HEMK2: variants seen among roughly 807,000 people sequenced by gnomAD.
The protein encoded by HEMK2 is HemK methyltransferase 2, ETF1 glutamine and histone H4 lysine, also known as methyltransferase HEMK2.
At chr21:28,780,966 C>CTT in the HEMK2 span, among the ~76,000 whole-genome samples, 1 of 152,178 alleles carries the variant, frequency 6.6e-6, no homozygotes, top group African/African-American at 2.4e-5. Flanking sequence ...GCAGTGAAGA[C>CTT]TTTTCATTGA....
the HEMK2 span, among the ~76,000 whole-genome samples, chr21:28,770,408 G>A: frequency 6.6e-6 from 1 of 152,102 alleles, no homozygotes; most frequent in South Asian, 2.1e-4. Context: ...TCCAAGTGAA[G>A]GGAAGAGGAT....
At chr21:28,649,318 G>A in the HEMK2 span, among the ~76,000 whole-genome samples, 2 of 152,158 alleles carry the variant, frequency 1.3e-5, no homozygotes, top group East Asian at 1.9e-4. Context: ...AAGAATGAGG[G>A]TGGAAAGGGG....
the HEMK2 span, among the ~76,000 whole-genome samples, chr21:28,601,332 C>A: frequency 6.6e-6 from 1 of 152,174 alleles, no homozygotes; most frequent in African/African-American, 2.4e-5. Flanking sequence ...TTCCCCTCAC[C>A]CCCTGTTCCC....
At chr21:28,723,467 G>A in the HEMK2 span, among the ~76,000 whole-genome samples, 4 of 152,144 alleles carry the variant, frequency 2.6e-5, no homozygotes, top group South Asian at 2.1e-4. Flanking sequence ...ACCTGCATTC[G>A]AAGTCTCTCT....
chr21:28,806,601 G>A, the HEMK2 span, among the ~76,000 whole-genome samples: 2 of 152,118 alleles, frequency 1.3e-5, no homozygotes, highest in African/African-American at 2.4e-5. Flanking sequence ...TCCCACAGAG[G>A]CTGGACTGCC....
the HEMK2 span, among the ~76,000 whole-genome samples, chr21:28,774,376 C>T: frequency 1.7e-4 from 26 of 152,160 alleles, no homozygotes; most frequent in Admixed American, 1.6e-3. Context: ...ATCACTGAGG[C>T]CAGGAGTTCA....
the HEMK2 span, among the ~76,000 whole-genome samples, chr21:28,733,930 T>A: frequency 8.5e-5 from 13 of 152,270 alleles, no homozygotes; most frequent in Non-Finnish European, 1.5e-4. Flanking sequence ...CACACTAATC[T>A]TCCAGCAATC....
the HEMK2 span, among the ~76,000 whole-genome samples, chr21:28,666,910 T>A: frequency 2.6e-5 from 4 of 152,094 alleles, no homozygotes; most frequent in Admixed American, 2.6e-4. Flanking sequence ...AAACTAGTTG[T>A]TATGCAGTAA....
chr21:28,649,628 T>C, the HEMK2 span, among the ~76,000 whole-genome samples: 3 of 152,178 alleles, frequency 2.0e-5, no homozygotes, highest in Non-Finnish European at 4.4e-5. Context: ...ACAGGATAAC[T>C]GCTGGGAGAG....
the HEMK2 span, among the ~76,000 whole-genome samples, chr21:28,772,805 G>A: frequency 6.6e-6 from 1 of 151,960 alleles, no homozygotes; most frequent in Non-Finnish European, 1.5e-5. Context: ...GTATTCACTA[G>A]GCATATGTAA....
At chr21:28,637,667 G>A in the HEMK2 span, among the ~76,000 whole-genome samples, 8 of 152,152 alleles carry the variant, frequency 5.3e-5, no homozygotes, top group Non-Finnish European at 7.3e-5. Flanking sequence ...TTTCTATGCG[G>A]GGGTAGGAGT....
chr21:28,660,925 G>T, the HEMK2 span, among the ~76,000 whole-genome samples: 16 of 152,034 alleles, frequency 1.1e-4, no homozygotes, highest in South Asian at 2.1e-4. Context: ...AATACTTAAA[G>T]AACCACTTAC....
At chr21:28,604,523 T>C in the HEMK2 span, among the ~76,000 whole-genome samples, 2,708 of 151,306 alleles carry the variant, frequency 0.018, 106 homozygotes, top group African/African-American at 0.063. Context: ...ACAAGTTTGA[T>C]TTTTCATTCA....
At chr21:28,690,834 T>C in the HEMK2 span, among the ~76,000 whole-genome samples, 1 of 152,186 alleles carries the variant, frequency 6.6e-6, no homozygotes, top group Admixed American at 6.5e-5. Context: ...TCTCCCTCCA[T>C]CTCCTTCTTT....
chr21:28,646,444 C>A, the HEMK2 span, among the ~76,000 whole-genome samples: 152,300 of 152,300 alleles, frequency 1, 76,150 homozygotes, highest in Non-Finnish European at 1. Flanking sequence ...AGAACATTGA[C>A]CTTGTCCTAC....
the HEMK2 span, among the ~76,000 whole-genome samples, chr21:28,617,512 G>A: frequency 6.6e-6 from 1 of 152,130 alleles, no homozygotes; most frequent in Non-Finnish European, 1.5e-5. Flanking sequence ...CTCTCAGACT[G>A]CCACCTCTAG....
At chr21:28,674,010 A>C in the HEMK2 span, among the ~76,000 whole-genome samples, 1 of 152,330 alleles carries the variant, frequency 6.6e-6, no homozygotes, top group Non-Finnish European at 1.5e-5. Context: ...AAGGCATTCT[A>C]AGTCACAGGA....
the HEMK2 span, among the ~76,000 whole-genome samples, chr21:28,827,975 G>C: frequency 1.3e-5 from 2 of 152,078 alleles, no homozygotes; most frequent in African/African-American, 4.8e-5. Context: ...GTAGGTATGT[G>C]CATATACTTA....
the HEMK2 span, among the ~76,000 whole-genome samples, chr21:28,881,933 C>T: frequency 3.9e-5 from 6 of 152,156 alleles, no homozygotes; most frequent in African/African-American, 7.2e-5. Context: ...CCTTTGTACC[C>T]GGACTAATTT....
Sources: allele counts gnomAD v4.1 joint callset (sites outside exome capture counted in the v4.1 genomes callset), GRCh38; gene constraint gnomAD v4.1.1; transcripts MANE v1.5; gene names NCBI Gene and HGNC (gene_info 2026-07-23, HGNC 2026-07-21).